The following SNTB2 variants were observed in gnomAD, a reference collection of about 807,000 sequenced individuals.
The protein encoded by SNTB2 is syntrophin beta 2, also known as beta-2-syntrophin.
SNTB2 carries 34 observed loss-of-function variants against 46.2 expected under a neutral mutation model. The ratio of observed to expected loss-of-function variants is 0.74; its 90% CI spans 0.56 to 0.98. SNTB2 has a LOEUF of 0.98. SNTB2 is among the 50% of genes least tolerant of loss of function. The pLI, the probability that SNTB2 is intolerant of heterozygous loss-of-function variation, is 0.00. For missense variants in SNTB2, 603 were observed against 731.4 expected, an observed-to-expected ratio of 0.82 and a Z score of 2.02; for synonymous variants, 290 against 312.6, an observed-to-expected ratio of 0.93 and a Z score of 0.76.
At chr16:69,292,370 ATATATATATTATATATATATT>A (rs1567416296) in intron 5 of SNTB2, among the ~76,000 whole-genome samples, 1 of 33,090 alleles carries the variant, frequency 3.0e-5, no homozygotes, top group African/African-American at 1.1e-4. Context: ...ATATATATAT[ATATATATATTATATATATATT>A]ATATATATAT....
In SNTB2 at chr16:69,292,420, A is replaced by T. The variant is rs1489270595; in HGVS notation, c.1346-7170A>T. On this transcript the variant is annotated intron_variant, in intron 5 of 6. Transcript: ENST00000336278. ...TATATATATATATTATATATATATT[A>T]TATATATATATATATTATATATATA... 1.0e-3 allele frequency among the ~76,000 whole-genome samples: 15 copies of T among 14,808 alleles called. 3 individuals are homozygous for T. The highest frequency in any genetic ancestry group is 4.7e-3 in the African/African-American group (7 of 1,476). 9.7% of individuals were successfully genotyped at this position (14,808 alleles called of 152,430 possible).
intron 1 of SNTB2, among the ~76,000 whole-genome samples, chr16:69,221,111 C>T (rs1964399378): frequency 6.6e-6 from 1 of 152,100 alleles, no homozygotes; most frequent in South Asian, 2.1e-4. Context: ...TATAGTAACG[C>T]TTATTGTGGC....
chr16:69,256,660 T>C (rs1964779802), intron 2 of SNTB2, among the ~76,000 whole-genome samples: 1 of 152,222 alleles, frequency 6.6e-6, no homozygotes, highest in Non-Finnish European at 1.5e-5. Flanking sequence ...TCTTTCCTTA[T>C]TAAGGCTGAA....
At chr16:69,269,131 T>C (rs911514742) in intron 3 of SNTB2, among the ~76,000 whole-genome samples, 2 of 150,982 alleles carry the variant, frequency 1.3e-5, no homozygotes, top group Admixed American at 1.3e-4. Context: ...ATCGCACCAT[T>C]GCACTCCAGC....
At chr16:69,240,002 G>A (rs1183271630) in intron 1 of SNTB2, among the ~76,000 whole-genome samples, 2 of 152,072 alleles carry the variant, frequency 1.3e-5, no homozygotes, top group Non-Finnish European at 2.9e-5. Context: ...TTCTATAGCT[G>A]TATCACAGTT....
chr16:69,256,192 A>G (rs1488490642), intron 2 of SNTB2, among the ~76,000 whole-genome samples: 1 of 152,130 alleles, frequency 6.6e-6, no homozygotes, highest in Non-Finnish European at 1.5e-5. Flanking sequence ...TCTCAAAAAA[A>G]AAAGTTTTGT....
intron 1 of SNTB2, among the ~76,000 whole-genome samples, chr16:69,202,152 C>T (rs1964168993): frequency 6.6e-6 from 1 of 152,150 alleles, no homozygotes; most frequent in African/African-American, 2.4e-5. Context: ...CAGTCACTTA[C>T]TGTTTAATGA....
chr16:69,266,419 G>GTTTT (rs1286788603), intron 3 of SNTB2, among the ~76,000 whole-genome samples: 1 of 151,926 alleles, frequency 6.6e-6, no homozygotes, highest in Non-Finnish European at 1.5e-5. Context: ...TAGGCAATCA[G>GTTTT]AATGATTAAA....
In SNTB2 at chr16:69,305,514, T is replaced by A. The variant is rs1248431883; in HGVS notation, c.*4590T>A. ...AAGGTCTTCTTTTTTCAATTCCTAA[T>A]GAATAAGTAAAATGCCAGATCTCTT... On this transcript the variant is annotated 3_prime_UTR_variant, in exon 7 of 7. Coordinates refer to ENST00000336278, the MANE Select transcript of SNTB2 (RefSeq NM_006750.4). The A allele has an allele frequency of 6.6e-6, 1 of 152,228 alleles. No homozygotes were observed. Among genetic ancestry groups the A allele is most frequent in the African/African-American group, 2.4e-5 (1 of 41,466 alleles). 9.4% of individuals were successfully genotyped at this position (152,228 alleles called of 1,614,324 possible). A position where few individuals can be genotyped will look rare whatever the true frequency, so the allele number is the denominator to read the frequency against.
intron 1 of SNTB2, among the ~76,000 whole-genome samples, chr16:69,203,293 C>T (rs935490740): frequency 2.0e-5 from 3 of 152,006 alleles, no homozygotes; most frequent in African/African-American, 7.2e-5. Flanking sequence ...GCTGGGATTA[C>T]AGGCGTGAGC....
chr16:69,222,935 C>T (rs1964421031), intron 1 of SNTB2, among the ~76,000 whole-genome samples: 1 of 151,620 alleles, frequency 6.6e-6, no homozygotes, highest in Admixed American at 6.6e-5. Context: ...GCACATGCCA[C>T]CATGCCCAGC....
intron 1 of SNTB2, among the ~76,000 whole-genome samples, chr16:69,204,450 T>G (rs1806625873): frequency 6.6e-6 from 1 of 152,160 alleles, no homozygotes; most frequent in Admixed American, 6.6e-5. Flanking sequence ...GAGACAGTAG[T>G]TATTAAGAAG....
At position 69,300,929 on chromosome 16, in the gene SNTB2, C is replaced by CA. The variant is rs1263495393; in HGVS notation, c.*11dup. On this transcript the variant is annotated 3_prime_UTR_variant, in exon 7 of 7. Coordinates refer to ENST00000336278, the MANE Select transcript of SNTB2 (RefSeq NM_006750.4). ...CGTATGGGACTGCTTGTATGAGCAA[C>CA]AAAAAATCAGAAAAGAGCCTTGACT... The CA allele has an allele frequency of 1.3e-6, 2 of 1,553,608 alleles. No individual in the cohort carries two copies. The highest frequency in any genetic ancestry group is 1.4e-5 in the African/African-American group (1 of 72,936).
intron 1 of SNTB2, among the ~76,000 whole-genome samples, chr16:69,233,380 C>G (rs1474960684): frequency 1.3e-5 from 2 of 152,102 alleles, no homozygotes; most frequent in African/African-American, 4.8e-5. Flanking sequence ...ACATGGATTT[C>G]CTGGTTTTAA....
chr16:69,224,369 G>A (rs1008700817), intron 1 of SNTB2, among the ~76,000 whole-genome samples: 2 of 151,684 alleles, frequency 1.3e-5, no homozygotes, highest in Non-Finnish European at 2.9e-5. Context: ...GCGCCACCAC[G>A]CCCGGCTGAT....
rs1445325398 is a variant in SNTB2 at position 69,301,783 on chromosome 16, T to C, written c.*859T>C. The C allele has an allele frequency of 6.6e-6, 1 of 152,612 alleles. No homozygotes were observed. Among genetic ancestry groups the C allele is most frequent in the Non-Finnish European group, 1.5e-5 (1 of 68,024 alleles). The allele number at this position is 152,612 out of a possible 1,614,324, so 9.5% of individuals were successfully genotyped here. On this transcript the variant is annotated 3_prime_UTR_variant, in exon 7 of 7. Coordinates refer to ENST00000336278, the MANE Select transcript of SNTB2 (RefSeq NM_006750.4). ...TTTTTATTGCTTACCAAATGTGCCT[T>C]TGGTTAGGGTTAGTGGAGCTTTATT...
intron 1 of SNTB2, among the ~76,000 whole-genome samples, chr16:69,210,284 C>A (rs1240809817): frequency 2.0e-5 from 3 of 152,070 alleles, no homozygotes; most frequent in Non-Finnish European, 1.5e-5. Context: ...GTTGCCCAGG[C>A]TGGAGTGCAG....
intron 1 of SNTB2, among the ~76,000 whole-genome samples, chr16:69,202,353 A>G (rs770283825): frequency 1.3e-4 from 20 of 151,106 alleles, no homozygotes; most frequent in South Asian, 6.2e-4. Context: ...ATAGTATGGT[A>G]GTTACTATTC....
At chr16:69,235,961 G>A (rs1017671445) in intron 1 of SNTB2, 11 of 827,874 alleles carry the variant, frequency 1.3e-5, no homozygotes, top group Admixed American at 7.3e-5. Flanking sequence ...CATTACTTTC[G>A]CATTAGGATT....
Sources: allele counts gnomAD v4.1 joint callset (sites outside exome capture counted in the v4.1 genomes callset), GRCh38; gene constraint gnomAD v4.1.1; transcripts MANE v1.5; gene names NCBI Gene and HGNC (gene_info 2026-07-23, HGNC 2026-07-21).